The following OGDH variants were observed in gnomAD, a reference collection of about 807,000 sequenced individuals.
The protein encoded by OGDH is oxoglutarate dehydrogenase.
OGDH carries 38 observed loss-of-function variants against 116.6 expected under a neutral mutation model. The ratio of observed to expected loss-of-function variants is 0.33; its 90% CI spans 0.25 to 0.43. The LOEUF is 0.43. Among genes scored for constraint, OGDH ranks in the 20% least tolerant of loss-of-function variants. OGDH has a pLI of 1.00. For missense variants in OGDH, 825 were observed against 1,357.2 expected, an observed-to-expected ratio of 0.61 and a Z score of 6.16; for synonymous variants, 488 against 533.3, an observed-to-expected ratio of 0.92 and a Z score of 1.17.
At position 44,697,698 on chromosome 7, in the gene OGDH, C is replaced by A. The variant is rs761146861; in HGVS notation, c.2274C>A (p.Ile758=). The A allele has an allele frequency of 1.2e-6, 2 of 1,614,136 alleles. No individual in the cohort carries two copies. Among genetic ancestry groups the A allele is most frequent in the Non-Finnish European group, 1.7e-6 (2 of 1,180,056 alleles). ...GDFHNTAQCI[I]DQFICPGQAK... ...TCCACAACACGGCCCAGTGTATCAT[C>A]GACCAGTTCATCTGCCCGGGACAAG... The change falls in exon 17 of 23, where the codon ATC becomes ATA. Residue 758 remains isoleucine, a synonymous_variant. Coordinates refer to ENST00000222673, the MANE Select transcript of OGDH (RefSeq NM_002541.4). This position sits in a 1 kb window ranked among gnomAD's most constrained non-coding sequence, Gnocchi z 6.0.
intron 2 of OGDH, among the ~76,000 whole-genome samples, chr7:44,638,760 A>G (rs1785788230): frequency 6.6e-6 from 1 of 152,222 alleles, no homozygotes; most frequent in South Asian, 2.1e-4. Context: ...CCTTTCAGTG[A>G]GTGGGCTTCT....
At chr7:44,703,899 G>A (rs780984223) in intron 20 of OGDH, among the ~76,000 whole-genome samples, 96 of 151,130 alleles carry the variant, frequency 6.4e-4, no homozygotes, top group Middle Eastern at 3.4e-3. Context: ...AAAAAAAAAA[G>A]ACTGAATAAT....
chr7:44,666,861 GT>G lies in OGDH; in HGVS notation c.633+13del. The stretch of plus-strand genomic sequence containing the variant: ...CATCCGTCGGCTGGAGGTAAGAGCA[GT>G]TTCTGGAAAAATCTAATGGACTTCT... On this transcript the variant is annotated intron_variant, in intron 5 of 22. Coordinates refer to ENST00000222673, the MANE Select transcript of OGDH (RefSeq NM_002541.4). 1 of 1,575,926 alleles carries G rather than the reference GT, an allele frequency of 6.3e-7. No homozygotes were observed. Among genetic ancestry groups the G allele is most frequent in the South Asian group, 1.1e-5 (1 of 88,636 alleles).
At chr7:44,621,341 T>C (rs948184967) in intron 1 of OGDH, among the ~76,000 whole-genome samples, 1 of 152,212 alleles carries the variant, frequency 6.6e-6, no homozygotes, top group Non-Finnish European at 1.5e-5. Context: ...CCCAAAGTGC[T>C]AGGATTATAG....
chr7:44,648,983 C>T (rs748999524), intron 4 of OGDH, among the ~76,000 whole-genome samples: 9 of 152,104 alleles, frequency 5.9e-5, no homozygotes, highest in African/African-American at 2.2e-4. Context: ...CTACTGCTCA[C>T]CCCTTAGTAC....
intron 19 of OGDH, 56 bp downstream of exon 19, chr7:44,700,325 A>G: frequency 6.2e-7 from 1 of 1,600,768 alleles, no homozygotes; most frequent in East Asian, 2.2e-5. Flanking sequence ...CTGTTGGTGC[A>G]GGGAAGGGCT....
At chr7:44,608,665 G>A (rs1784447663) in intron 1 of OGDH, among the ~76,000 whole-genome samples, 1 of 151,938 alleles carries the variant, frequency 6.6e-6, no homozygotes. Context: ...AGGTTGCAGC[G>A]AGTCGAGATG....
At chr7:44,690,535 C>T (rs1220594351) in intron 10 of OGDH, among the ~76,000 whole-genome samples, 3 of 152,160 alleles carry the variant, frequency 2.0e-5, no homozygotes, top group Non-Finnish European at 2.9e-5. Context: ...AAAAGTACAG[C>T]GTATATTTGG....
intron 1 of OGDH, among the ~76,000 whole-genome samples, chr7:44,616,813 A>ATATACATATATG (rs1562610907): frequency 7.1e-6 from 1 of 140,170 alleles, no homozygotes; most frequent in East Asian, 2.1e-4. Flanking sequence ...ATATGCATAT[A>ATATACATATATG]TACGTATATA....
chr7:44,648,800 G>A (rs3757568), intron 4 of OGDH, among the ~76,000 whole-genome samples: 14,367 of 152,124 alleles, frequency 0.094, 1,362 homozygotes, highest in East Asian at 0.39. Flanking sequence ...CCCTTTAGCG[G>A]ATTTAGGAAG....
rs755268747 is a variant in OGDH, at chr7:44,676,262, ATATT to A, written c.1206+116_1206+119del. 8 of 1,579,134 alleles carry A rather than the reference ATATT, an allele frequency of 5.1e-6. No individual in the cohort carries two copies. In the South Asian group the frequency reaches 6.8e-5, roughly 13 times the overall value. Reference sequence around the variant, plus strand: ...CTGGGTGCATCTAGACTTTAAAAAAATATTTAAAGTCGGCCGGGCGCAGTGTCTC... The same window carrying A: ...CTGGGTGCATCTAGACTTTAAAAAAATAAAGTCGGCCGGGCGCAGTGTCTC... On this transcript the variant is annotated intron_variant, in intron 9 of 22. Transcript: ENST00000222673.
At chr7:44,609,856 G>T (rs1194822162) in intron 1 of OGDH, among the ~76,000 whole-genome samples, 1 of 152,164 alleles carries the variant, frequency 6.6e-6, no homozygotes, top group Non-Finnish European at 1.5e-5. Flanking sequence ...ATTTGGTGAT[G>T]TTACTTTTTT....
rs113371281 is a variant in OGDH at position 44,662,055 on chromosome 7, C to T, written c.518-4681C>T. 2.6e-5 allele frequency among the ~76,000 whole-genome samples: 4 copies of T among 152,154 alleles called. No homozygotes were observed. The South Asian group carries it at 8.3e-4, about 32-fold the overall frequency. On this transcript the variant is annotated intron_variant, in intron 4 of 22. Coordinates refer to ENST00000222673, the MANE Select transcript of OGDH (RefSeq NM_002541.4). ...CCTTTTATATCTCTTTACTGTCCTG[C>T]ATTTATAATATAATTATCTTAGATA... is the stretch of plus-strand genomic sequence containing the variant.
chr7:44,625,140 T>G (rs1785154354), intron 2 of OGDH, among the ~76,000 whole-genome samples: 1 of 152,188 alleles, frequency 6.6e-6, no homozygotes, highest in African/African-American at 2.4e-5. Flanking sequence ...TGTTTTGTTT[T>G]GTTTCAGACA....
Position 44,694,468 on chromosome 7 carries a change from G to C in OGDH, c.1560G>C (p.Met520Ile). 1 of 1,614,036 alleles carries C rather than the reference G, an allele frequency of 6.2e-7. No individual in the cohort carries two copies. Among genetic ancestry groups the C allele is most frequent in the Non-Finnish European group, 8.5e-7 (1 of 1,180,018 alleles). Residue 520 changes from methionine to isoleucine, a missense_variant, in exon 12 of 23, where the codon ATG (methionine) becomes ATC (isoleucine). This residue lies in a region of OGDH where 146 missense variants were observed against 317.3 expected (regional missense o/e 0.46). Coordinates refer to ENST00000222673, the MANE Select transcript of OGDH (RefSeq NM_002541.4). This position sits in a 1 kb window ranked among gnomAD's most constrained non-coding sequence, Gnocchi z 4.2. The stretch of plus-strand genomic sequence containing the variant: ...GCCACAACGAGATGGATGAGCCCAT[G>C]TTCACGCAGCCGCTCATGTACAAGC... ...RNGHNEMDEP[M>I]FTQPLMYKQI...
intron 4 of OGDH, among the ~76,000 whole-genome samples, chr7:44,649,965 A>G (rs552413923): frequency 9.8e-5 from 15 of 152,332 alleles, no homozygotes; most frequent in Non-Finnish European, 1.9e-4. Flanking sequence ...CCAAGAAACT[A>G]AAACATACAG....
chr7:44,635,223 G>T (rs1228220706), intron 2 of OGDH, among the ~76,000 whole-genome samples: 1 of 152,204 alleles, frequency 6.6e-6, no homozygotes, highest in African/African-American at 2.4e-5. Context: ...AGCTTGGCTG[G>T]ATTAGAATGA....
intron 2 of OGDH, among the ~76,000 whole-genome samples, chr7:44,643,902 AT>A (rs542088539): frequency 1.3e-5 from 2 of 150,508 alleles, no homozygotes; most frequent in African/African-American, 2.4e-5. Context: ...CAATGTTTCT[AT>A]TTTTTTTTTA....
chr7:44,636,356 A>G (rs1317403450), intron 2 of OGDH, among the ~76,000 whole-genome samples: 1 of 152,182 alleles, frequency 6.6e-6, no homozygotes, highest in African/African-American at 2.4e-5. Flanking sequence ...TTGGCCCTCA[A>G]GACTCCCAAC....
Sources: allele counts gnomAD v4.1 joint callset (sites outside exome capture counted in the v4.1 genomes callset), GRCh38; gene constraint gnomAD v4.1.1; regional missense constraint gnomAD v4.1.1; non-coding constraint Gnocchi (gnomAD v3.1); transcripts MANE v1.5; gene names NCBI Gene and HGNC (gene_info 2026-07-23, HGNC 2026-07-21).